DPP10: variants seen among roughly 807,000 people sequenced by gnomAD.
DPP10 encodes dipeptidyl peptidase like 10, also known as inactive dipeptidyl peptidase 10.
A neutral mutation model predicts 120.9 loss-of-function variants in DPP10; 33 were observed. That is an observed-to-expected ratio of 0.27 (90% CI 0.21 to 0.37). DPP10 has a LOEUF of 0.37. Among genes scored for constraint, DPP10 ranks in the 10% least tolerant of loss-of-function variants. DPP10 has a pLI of 1.00. For synonymous variants in DPP10, 337 were observed against 326.1 expected (o/e 1.03, Z -0.36); for missense variants, 816 against 942.8 (o/e 0.87, Z 1.76).
At chr2:115,257,124 C>T (rs866668546) in intron 1 of DPP10, among the ~76,000 whole-genome samples, 20 of 152,262 alleles carry the variant, frequency 1.3e-4, no homozygotes, top group Middle Eastern at 3.4e-3. Context: ...ACCATTTAAC[C>T]AGTCTCTAAG....
At chr2:115,708,135 T>C (rs2092193809) in intron 7 of DPP10, among the ~76,000 whole-genome samples, 1 of 151,992 alleles carries the variant, frequency 6.6e-6, no homozygotes, top group Admixed American at 6.6e-5. Context: ...AAGCAATATG[T>C]TAAAGTAAAA....
intron 1 of DPP10, among the ~76,000 whole-genome samples, chr2:114,921,434 C>T (rs980714729): frequency 6.6e-6 from 1 of 152,132 alleles, no homozygotes; most frequent in Non-Finnish European, 1.5e-5. Flanking sequence ...GTGTTTAACT[C>T]AATACACAGG....
At chr2:115,123,609 G>A (rs540952030) in intron 1 of DPP10, among the ~76,000 whole-genome samples, 4 of 152,272 alleles carry the variant, frequency 2.6e-5, no homozygotes, top group Admixed American at 6.5e-5. Flanking sequence ...AGCGGCTGAT[G>A]ACAGATTCAG....
At chr2:115,013,092 G>A (rs932074832) in intron 1 of DPP10, among the ~76,000 whole-genome samples, 2 of 152,074 alleles carry the variant, frequency 1.3e-5, no homozygotes, top group Non-Finnish European at 2.9e-5. Flanking sequence ...TCATAGTGTC[G>A]ATGGTCTTTA....
intron 3 of DPP10, among the ~76,000 whole-genome samples, chr2:115,498,409 T>C (rs17044458): frequency 0.21 from 32,257 of 151,978 alleles, 3,940 homozygotes; most frequent in East Asian, 0.39. Flanking sequence ...TGTGTTTTTG[T>C]GGCTAATCTT....
At chr2:114,602,200 T>C (rs981727539) in intron 1 of DPP10, among the ~76,000 whole-genome samples, 1 of 151,906 alleles carries the variant, frequency 6.6e-6, no homozygotes, top group Non-Finnish European at 1.5e-5. Context: ...AAAAAAATGA[T>C]GGTACAGGTT....
chr2:115,585,014 A>G (rs1292827460), intron 5 of DPP10, among the ~76,000 whole-genome samples: 1 of 152,230 alleles, frequency 6.6e-6, no homozygotes, highest in African/African-American at 2.4e-5. Flanking sequence ...ATTGTGTCCC[A>G]TTGGCCATAA....
intron 1 of DPP10, among the ~76,000 whole-genome samples, chr2:115,087,925 C>G (rs1708861567): frequency 6.6e-6 from 1 of 152,142 alleles, no homozygotes; most frequent in Non-Finnish European, 1.5e-5. Flanking sequence ...ATTTGAGCCG[C>G]TGTAACAAAA....
At chr2:115,208,096 A>G (rs566727828) in intron 1 of DPP10, among the ~76,000 whole-genome samples, 1 of 152,208 alleles carries the variant, frequency 6.6e-6, no homozygotes, top group African/African-American at 2.4e-5. Context: ...TCTTGGGCCA[A>G]TTGAATAATC....
intron 3 of DPP10, among the ~76,000 whole-genome samples, chr2:115,483,104 G>A (rs543438754): frequency 3.9e-5 from 6 of 152,202 alleles, no homozygotes; most frequent in African/African-American, 7.2e-5. Context: ...AGGATGAAAT[G>A]TAGGTAGGGT....
chr2:115,317,397 A>C (rs1022434268), intron 2 of DPP10, among the ~76,000 whole-genome samples: 8 of 152,062 alleles, frequency 5.3e-5, no homozygotes, highest in African/African-American at 1.9e-4. Context: ...ATAGCAATCC[A>C]TTGTATGCAT....
At chr2:114,722,358 GA>G (rs1701750654) in intron 1 of DPP10, among the ~76,000 whole-genome samples, 1 of 152,160 alleles carries the variant, frequency 6.6e-6, no homozygotes, top group Non-Finnish European at 1.5e-5. Context: ...TTCAGGTAGA[GA>G]AGATCTGAAG....
At chr2:114,751,234 C>T (rs1679188201) in intron 1 of DPP10, among the ~76,000 whole-genome samples, 2 of 152,202 alleles carry the variant, frequency 1.3e-5, no homozygotes, top group Admixed American at 1.3e-4. Context: ...CCCCACTGGC[C>T]TACCATAATT....
intron 1 of DPP10, among the ~76,000 whole-genome samples, chr2:114,986,469 T>C (rs984281475): frequency 1.3e-4 from 20 of 152,214 alleles, no homozygotes; most frequent in Non-Finnish European, 2.1e-4. Context: ...TGAGGTGTTA[T>C]TCCATATGCC....
chr2:114,998,734 T>C (rs1366059463), intron 1 of DPP10, among the ~76,000 whole-genome samples: 2 of 152,150 alleles, frequency 1.3e-5, no homozygotes, highest in African/African-American at 4.8e-5. Flanking sequence ...CATTTCCACA[T>C]CTAGGTCTGG....
At chr2:115,783,985 T>C (rs1683060602) in intron 17 of DPP10, among the ~76,000 whole-genome samples, 1 of 152,214 alleles carries the variant, frequency 6.6e-6, no homozygotes, top group African/African-American at 2.4e-5. Flanking sequence ...TAACAAAGGA[T>C]GATTAAAAAT....
intron 3 of DPP10, among the ~76,000 whole-genome samples, chr2:115,410,796 G>A (rs1295370540): frequency 6.6e-6 from 1 of 152,044 alleles, no homozygotes; most frequent in Non-Finnish European, 1.5e-5. Context: ...AAAACCACCT[G>A]TTCCCTAAAA....
At chr2:114,840,165 A>G (rs973335721) in intron 1 of DPP10, among the ~76,000 whole-genome samples, 4 of 152,216 alleles carry the variant, frequency 2.6e-5, no homozygotes, top group Admixed American at 6.5e-5. Flanking sequence ...AAAAATATTT[A>G]TAAGACATAC....
At chr2:115,178,767 A>G (rs1200039207) in intron 1 of DPP10, among the ~76,000 whole-genome samples, 3 of 152,228 alleles carry the variant, frequency 2.0e-5, no homozygotes, top group Non-Finnish European at 2.9e-5. Flanking sequence ...ATATGTATGT[A>G]TATATACATT....
Sources: allele counts gnomAD v4.1 joint callset (sites outside exome capture counted in the v4.1 genomes callset), GRCh38; gene constraint gnomAD v4.1.1; transcripts MANE v1.5; gene names NCBI Gene and HGNC (gene_info 2026-07-23, HGNC 2026-07-21).